The following STX18 variants were observed in gnomAD, a reference collection of about 807,000 sequenced individuals.
STX18 encodes the protein syntaxin-18.
In STX18, 40 loss-of-function variants were observed where a neutral mutation model predicts 50.1. The observed-to-expected ratio is 0.80, with a 90% confidence interval of 0.62 to 1.04. The LOEUF is 1.04. STX18 is among the 50% of genes least tolerant of loss of function. The pLI is 0.00. For synonymous variants in STX18, 158 were observed against 151.8 expected (o/e 1.04, Z -0.30); for missense variants, 410 against 415.8 (o/e 0.99, Z 0.12).
intron 7 of STX18, among the ~76,000 whole-genome samples, chr4:4,430,542 A>G (rs779606106): frequency 1.3e-5 from 2 of 152,240 alleles, no homozygotes; most frequent in Non-Finnish European, 2.9e-5. Context: ...TGATTGCTTT[A>G]GTCATTGATA....
chr4:4,503,268 TG>T (rs1729539927), intron 1 of STX18, among the ~76,000 whole-genome samples: 1 of 152,188 alleles, frequency 6.6e-6, no homozygotes, highest in Admixed American at 6.5e-5. Context: ...AGAATGAAAT[TG>T]ATATTAAACC....
At chr4:4,529,286 A>T (rs6818850) in intron 1 of STX18, among the ~76,000 whole-genome samples, 1 of 152,106 alleles carries the variant, frequency 6.6e-6, no homozygotes, top group Non-Finnish European at 1.5e-5. Flanking sequence ...GGAGTGAACC[A>T]GGGAGGCGGA....
intron 1 of STX18, among the ~76,000 whole-genome samples, chr4:4,501,575 T>C (rs1729463574): frequency 6.6e-6 from 1 of 152,216 alleles, no homozygotes; most frequent in Non-Finnish European, 1.5e-5. Flanking sequence ...CAGACTGTTT[T>C]GCGTTCTAAC....
intron 1 of STX18, among the ~76,000 whole-genome samples, chr4:4,484,809 T>C (rs975841121): frequency 9.9e-5 from 15 of 152,226 alleles, no homozygotes; most frequent in Non-Finnish European, 2.1e-4. Flanking sequence ...TGCCGGTTAA[T>C]AATGACTACT....
At chr4:4,486,918 C>A (rs1240260065) in intron 1 of STX18, among the ~76,000 whole-genome samples, 1 of 152,180 alleles carries the variant, frequency 6.6e-6, no homozygotes, top group Non-Finnish European at 1.5e-5. Context: ...TCACGAACAT[C>A]TAAAGTATAG....
At chr4:4,467,736 G>A (rs1480002879) in intron 2 of STX18, among the ~76,000 whole-genome samples, 1 of 150,616 alleles carries the variant, frequency 6.6e-6, no homozygotes, top group African/African-American at 2.4e-5. Context: ...GAAAGATAAG[G>A]TGGGCATGGG....
In STX18 at chr4:4,420,499, C is replaced by T. The variant is rs57657169; in HGVS notation, c.912+365G>A. On this transcript the variant is annotated intron_variant, in intron 10 of 10. Transcript: ENST00000306200. The surrounding 1 kb of genome is among the most constrained non-coding windows in gnomAD (Gnocchi z 4.3). ...TGAGCTTGGGAAACAGTCCCCTCAA[C>T]AGGATGGCTGTAGTGTCCTCTGTAA... 3.7e-3 allele frequency: 1,477 copies of T among 396,344 alleles called. 17 individuals carry two copies. The highest frequency in any genetic ancestry group is 0.028 in the African/African-American group (1,368 of 49,598). The allele number at this position is 396,344 out of a possible 1,614,324, so 24.6% of individuals were successfully genotyped here.
At chr4:4,521,795 C>T (rs1308775151) in intron 1 of STX18, among the ~76,000 whole-genome samples, 1 of 152,090 alleles carries the variant, frequency 6.6e-6, no homozygotes, top group East Asian at 1.9e-4. Flanking sequence ...AATATTTTTT[C>T]TTTCTTGATG....
At chr4:4,476,271 T>C (rs184299097) in intron 1 of STX18, 8 of 152,376 alleles carry the variant, frequency 5.3e-5, no homozygotes, top group Admixed American at 6.5e-5. Context: ...ACATAAAGTG[T>C]AGTTTAAAAC....
At position 4,459,619 on chromosome 4, in the gene STX18, C is replaced by A. The variant is rs148460539; in HGVS notation, c.237-132G>T. ...CTGAGACTTGAAGGGTGAGGAGGAA[C>A]AGGCCAGGTGAAAAGGTGAGAGAAC... On this transcript the variant is annotated intron_variant, in intron 2 of 10. Transcript: ENST00000306200. 7.6e-5 allele frequency: 52 copies of A among 682,388 alleles called. No homozygotes were observed. In the Middle Eastern group the frequency reaches 2.0e-3, roughly 26 times the overall value. The allele number at this position is 682,388 out of a possible 1,614,324, so 42.3% of individuals were successfully genotyped here. A position where few individuals can be genotyped will look rare whatever the true frequency, so the allele number is the denominator to read the frequency against.
intron 1 of STX18, among the ~76,000 whole-genome samples, chr4:4,539,159 T>C (rs1268250789): frequency 6.6e-6 from 1 of 152,124 alleles, no homozygotes; most frequent in Non-Finnish European, 1.5e-5. Flanking sequence ...GGCATATATT[T>C]GAGGAATGGA....
intron 5 of STX18, among the ~76,000 whole-genome samples, chr4:4,447,103 T>A (rs1726450637): frequency 6.6e-6 from 1 of 152,256 alleles, no homozygotes; most frequent in Non-Finnish European, 1.5e-5. Context: ...ATATGATTAT[T>A]AAATTTAGCA....
intron 8 of STX18, chr4:4,423,851 T>C: frequency 2.0e-6 from 1 of 511,680 alleles, no homozygotes; most frequent in East Asian, 3.5e-5. Context: ...TCCCAAGAGG[T>C]GGGTGTGTGC....
chr4:4,493,766 A>T (rs1729048633), intron 1 of STX18, among the ~76,000 whole-genome samples: 1 of 152,270 alleles, frequency 6.6e-6, no homozygotes. Context: ...AAGTTTTTAC[A>T]GTATGCTTAG....
At chr4:4,448,717 A>G (rs1419245141) in intron 5 of STX18, among the ~76,000 whole-genome samples, 1 of 152,182 alleles carries the variant, frequency 6.6e-6, no homozygotes, top group Non-Finnish European at 1.5e-5. Flanking sequence ...GAGTTCTTTC[A>G]AAGATTAAAT....
In STX18 at chr4:4,442,876, T is replaced by C. The variant is rs185577909; in HGVS notation, c.498-4367A>G. On this transcript the variant is annotated intron_variant, in intron 5 of 10. Coordinates refer to ENST00000306200, the MANE Select transcript of STX18 (RefSeq NM_016930.4). ...AAAGACCAACAGCCCTACAGTAAAC[T>C]AGGCAAGAAAGTTCACACAAATGCA... Among the ~76,000 whole-genome samples, 12 of 147,712 alleles carry C rather than the reference T, an allele frequency of 8.1e-5. No individual in the cohort carries two copies. The East Asian group carries it at 2.4e-3, about 30-fold the overall frequency.
rs536600765 is a variant in STX18, at chr4:4,426,703, TC to T, written c.703-1482del. 576 of 152,578 alleles carry T rather than the reference TC, an allele frequency of 3.8e-3. 3 individuals carry two copies. The highest frequency in any genetic ancestry group is 5.4e-3 in the Non-Finnish European group (366 of 68,192). The allele number at this position is 152,578 out of a possible 1,614,324, so 9.5% of individuals were successfully genotyped here. A position where few individuals can be genotyped will look rare whatever the true frequency, so the allele number is the denominator to read the frequency against. On this transcript the variant is annotated intron_variant, in intron 7 of 10. Transcript: ENST00000306200. The stretch of plus-strand genomic sequence containing the variant: ...ACATGCACTTGCTGTATTCAGCCCT[TC>T]CCCTACCGTCCACATTCCACCCTCA...
At chr4:4,529,700 T>C (rs1292081272) in intron 1 of STX18, among the ~76,000 whole-genome samples, 1 of 152,192 alleles carries the variant, frequency 6.6e-6, no homozygotes, top group Non-Finnish European at 1.5e-5. Flanking sequence ...ACCAGGGACG[T>C]CATCTTGGGA....
intron 1 of STX18, among the ~76,000 whole-genome samples, chr4:4,474,442 A>G (rs759074329): frequency 6.6e-6 from 1 of 152,164 alleles, no homozygotes; most frequent in Non-Finnish European, 1.5e-5. Flanking sequence ...TAGGCAGAAT[A>G]ATGGTTTTCC....
Sources: gnomAD v4.1 joint callset for allele counts (sites outside exome capture counted in the v4.1 genomes callset) on GRCh38, gnomAD v4.1.1 for gene constraint, Gnocchi (gnomAD v3.1) non-coding constraint, MANE v1.5 for transcripts, NCBI Gene and HGNC (gene_info 2026-07-23, HGNC 2026-07-21) for gene names.